ERICH3: variants seen among roughly 807,000 people sequenced by gnomAD.
The protein encoded by ERICH3 is glutamate rich 3.
A neutral mutation model predicts 131.1 loss-of-function variants in ERICH3; 126 were observed. The observed-to-expected ratio is 0.96, with a 90% CI of 0.83 to 1.11. The LOEUF (loss-of-function observed/expected upper bound fraction) is 1.11, where lower values mean the gene tolerates loss of function less well. Among genes scored for constraint, ERICH3 ranks in the 50% most tolerant of loss-of-function variants. The pLI, the probability that ERICH3 is intolerant of heterozygous loss-of-function variation, is 0.00. For missense variants in ERICH3, 2,050 were observed against 1,810.7 expected (o/e 1.13, Z -2.40); for synonymous variants, 695 against 644.6 (o/e 1.08, Z -1.18).
intron 11 of ERICH3, among the ~76,000 whole-genome samples, chr1:74,594,042 T>A (rs942342800): frequency 6.6e-6 from 1 of 152,106 alleles, no homozygotes; most frequent in Non-Finnish European, 1.5e-5. Context: ...CTTGTTTTTT[T>A]ATCTCTACTG....
intron 2 of ERICH3, 74 bp from the exon 3 acceptor site, chr1:74,646,866 C>T: frequency 1.7e-6 from 1 of 592,960 alleles, no homozygotes; most frequent in Non-Finnish European, 2.5e-6. Context: ...AAAAGGGAGG[C>T]TGGAGGGTGG....
At chr1:74,645,650 T>A (rs909899086) in intron 3 of ERICH3, among the ~76,000 whole-genome samples, 1 of 152,052 alleles carries the variant, frequency 6.6e-6, no homozygotes, top group Non-Finnish European at 1.5e-5. Context: ...GTTTTATTAA[T>A]TTTATTTATT....
chr1:74,648,267 C>G (rs1646502370), intron 2 of ERICH3, among the ~76,000 whole-genome samples: 1 of 152,064 alleles, frequency 6.6e-6, no homozygotes, highest in Admixed American at 6.6e-5. Context: ...GACTGTTATC[C>G]AAAGAAGTGA....
chr1:74,664,825 T>A (rs1646674176), intron 1 of ERICH3, among the ~76,000 whole-genome samples: 1 of 152,218 alleles, frequency 6.6e-6, no homozygotes, highest in African/African-American at 2.4e-5. Flanking sequence ...AGATTACTAA[T>A]CAGACTTAAC....
At chr1:74,668,316 T>A (rs993365542) in intron 1 of ERICH3, among the ~76,000 whole-genome samples, 10 of 152,158 alleles carry the variant, frequency 6.6e-5, no homozygotes, top group African/African-American at 2.4e-4. Context: ...AGGACACATC[T>A]CTCTTCATCT....
intron 2 of ERICH3, 90 bp from the exon 3 acceptor site, chr1:74,646,882 A>G (rs1347778400): frequency 4.3e-6 from 2 of 467,334 alleles, no homozygotes; most frequent in African/African-American, 4.8e-5. Context: ...GGTGGAGAAG[A>G]CAGACAGACA....
rs545646275 is a variant in ERICH3, at chr1:74,573,025, C to T, written c.2685G>A (p.Gly895=). Residue 895 remains glycine (G), a synonymous_variant, in exon 14 of 15, where the codon GGG becomes GGA. Coordinates refer to ENST00000326665, the MANE Select transcript of ERICH3 (RefSeq NM_001002912.5). ...VLETDKAASE[G]EQGLEKAVLA... is the part of the protein sequence containing the mutation. Reference sequence around the variant, plus strand: ...GCACTGCCTTCTCTAAACCCTGTTCCCCTTCAGAAGCTGCTTTGTCTGTCT... The same window carrying T: ...GCACTGCCTTCTCTAAACCCTGTTCTCCTTCAGAAGCTGCTTTGTCTGTCT... 9 of 1,614,152 alleles carry T rather than the reference C, an allele frequency of 5.6e-6. No individual in the cohort carries two copies. The highest frequency in any genetic ancestry group is 4.2e-6 in the Non-Finnish European group (5 of 1,180,014).
chr1:74,667,996 C>T (rs59855251), intron 1 of ERICH3, among the ~76,000 whole-genome samples: 1 of 152,106 alleles, frequency 6.6e-6, no homozygotes, highest in Admixed American at 6.5e-5. Context: ...CTTGCTTTCT[C>T]TCCTGCTGCG....
intron 1 of ERICH3, among the ~76,000 whole-genome samples, chr1:74,664,739 A>G (rs1646673381): frequency 6.6e-6 from 1 of 152,214 alleles, no homozygotes; most frequent in Non-Finnish European, 1.5e-5. Flanking sequence ...ACAGTCGCAT[A>G]AAAATGGATC....
intron 1 of ERICH3, among the ~76,000 whole-genome samples, chr1:74,656,967 AGTAAACT>A (rs1217367119): frequency 6.6e-6 from 1 of 152,220 alleles, no homozygotes; most frequent in Non-Finnish European, 1.5e-5. Context: ...CTATGCACAC[AGTAAACT>A]GTCACAAACC....
rs531092888 is a variant in ERICH3 at position 74,606,689 on chromosome 1, T to A, written c.1401A>T (p.Glu467Asp). 6.2e-7 allele frequency: 1 copy of A among 1,612,848 alleles called. No individual in the cohort carries two copies. Among genetic ancestry groups the A allele is most frequent in the East Asian group, 2.2e-5 (1 of 44,830 alleles). Residue 467 changes from glutamate to aspartate, a missense_variant, in exon 10 of 15, where the codon GAA becomes GAT. Transcript: ENST00000326665. ...TCATTTCCTCCACAGCAGTTACCAC[T>A]TCTTTGAGCCCTGTTTTTATTTCTT... ...SAQEIKTGLKEVVTAVEEMTS... is the reference protein window; with the variant it reads ...SAQEIKTGLKDVVTAVEEMTS...
chr1:74,661,805 C>T (rs1646644121), intron 1 of ERICH3, among the ~76,000 whole-genome samples: 1 of 152,170 alleles, frequency 6.6e-6, no homozygotes, highest in Admixed American at 6.6e-5. Flanking sequence ...CAGAAATTAA[C>T]TCCCCTGAGT....
At position 74,633,326 on chromosome 1, in the gene ERICH3, G is replaced by T. The variant is rs562480029; in HGVS notation, c.604-1398C>A. Among the ~76,000 whole-genome samples the T allele has an allele frequency of 8.6e-5, 13 of 151,854 alleles. No homozygotes were observed. The South Asian group carries it at 2.7e-3, about 32-fold the overall frequency. On this transcript the variant is annotated intron_variant, in intron 6 of 14. Transcript: ENST00000326665. ...GTTAGAATGGTTGATATTGCATTTT[G>T]TCAAGCTCTAATTTTTCTTTTCTTA...
intron 12 of ERICH3, among the ~76,000 whole-genome samples, chr1:74,579,003 C>G (rs565539401): frequency 6.6e-6 from 1 of 152,234 alleles, no homozygotes; most frequent in East Asian, 1.9e-4. Context: ...TTTCTTCATT[C>G]ATCCAATATA....
At chr1:74,650,043 A>T (rs547181218) in intron 1 of ERICH3, among the ~76,000 whole-genome samples, 1 of 152,226 alleles carries the variant, frequency 6.6e-6, no homozygotes, top group East Asian at 1.9e-4. Context: ...CCTACTGATG[A>T]TATTTGTCAT....
At chr1:74,666,250 A>C (rs1372226174) in intron 1 of ERICH3, among the ~76,000 whole-genome samples, 1 of 152,162 alleles carries the variant, frequency 6.6e-6, no homozygotes, top group Non-Finnish European at 1.5e-5. Flanking sequence ...AAAAGAGACA[A>C]GGGGATAAAG....
At chr1:74,601,823 CTA>C (rs1648147782) in intron 10 of ERICH3, among the ~76,000 whole-genome samples, 1 of 151,832 alleles carries the variant, frequency 6.6e-6, no homozygotes, top group African/African-American at 2.4e-5. Context: ...CACTTACTGA[CTA>C]TGTGACCGTG....
At chr1:74,651,838 G>T (rs189204640) in intron 1 of ERICH3, among the ~76,000 whole-genome samples, 1 of 152,114 alleles carries the variant, frequency 6.6e-6, no homozygotes, top group East Asian at 1.9e-4. Context: ...CTTAATTCAG[G>T]CTCTGTAACT....
Position 74,649,303 on chromosome 1 carries a change from T to C in ERICH3, c.36A>G (p.Ala12=), listed in dbSNP as rs770893657. The change falls in exon 2 of 15, where the codon GCA becomes GCG. Residue 12 remains alanine (A), a synonymous_variant. Transcript: ENST00000326665. ...GGTGTTTATCCATAAGGCTATTATA[T>C]GCAGCAAGTAACCTAAAATACAAAA... is the stretch of plus-strand genomic sequence containing the variant. ...SHSHPAGLLA[A]YNSLMDKHLA... The C allele has an allele frequency of 3.7e-6, 6 of 1,611,196 alleles. No homozygotes were observed. Among genetic ancestry groups the C allele is most frequent in the Admixed American group, 1.7e-5 (1 of 59,814 alleles).
Sources: allele counts gnomAD v4.1 joint callset (sites outside exome capture counted in the v4.1 genomes callset), GRCh38; gene constraint gnomAD v4.1.1; transcripts MANE v1.5; gene names NCBI Gene and HGNC (gene_info 2026-07-23, HGNC 2026-07-21).